The following AKAP13 variants were observed in gnomAD, a reference collection of about 807,000 sequenced individuals.
The protein encoded by AKAP13 is A-kinase anchor protein 13.
In AKAP13, 80 loss-of-function variants were observed where a neutral mutation model predicts 264.5. That is an observed-to-expected ratio of 0.30 (90% CI 0.25 to 0.36). The LOEUF is 0.36. AKAP13 is among the 10% of genes least tolerant of loss of function. AKAP13 has a pLI of 1.00. For missense variants in AKAP13, 3,712 were observed against 3,435.2 expected, an observed-to-expected ratio of 1.08 and a Z score of -2.01; for synonymous variants, 1,380 against 1,250.2, an observed-to-expected ratio of 1.10 and a Z score of -2.19.
rs753185059 is a variant in AKAP13 at position 85,730,548 on chromosome 15, T to A, written c.7123T>A (p.Leu2375Met). 1 of 1,614,112 alleles carries A rather than the reference T, an allele frequency of 6.2e-7. No individual in the cohort carries two copies. The highest frequency in any genetic ancestry group is 1.1e-5 in the South Asian group (1 of 91,072). The part of the protein sequence containing the change: ...LHQKDQKILL[L>M]LEEKEMIFRD... ...CCAGAAGGACCAAAAAATCCTACTC[T>A]TGTTGGAAGAGAAGGAGATGATTTT... is the stretch of plus-strand genomic sequence containing the variant. The change falls in exon 30 of 37, where the codon TTG becomes ATG. Residue 2375 changes from leucine to methionine, a missense_variant. This residue lies in a region of AKAP13 where 342 missense variants were observed against 484.3 expected (regional missense o/e 0.71). Coordinates refer to ENST00000394518, the MANE Select transcript of AKAP13 (RefSeq NM_007200.5).
In AKAP13 at chr15:85,748,071, G is replaced by A. The variant is rs1462434767; in HGVS notation, c.*3394G>A. 6.6e-6 allele frequency: 1 copy of A among 152,248 alleles called. No homozygotes were observed. Among genetic ancestry groups the A allele is most frequent in the Admixed American group, 6.5e-5 (1 of 15,282 alleles). 9.4% of individuals were successfully genotyped at this position (152,248 alleles called of 1,614,324 possible). A position where few individuals can be genotyped will look rare whatever the true frequency, so the allele number is the denominator to read the frequency against. On this transcript the variant is annotated 3_prime_UTR_variant, in exon 37 of 37. Transcript: ENST00000394518. Reference sequence around the variant, plus strand: ...GCCAGAACTTGATCCAGAAGTTGCTGTCCACAGAAGTGCTTTCTATTTCAT... The same window carrying A: ...GCCAGAACTTGATCCAGAAGTTGCTATCCACAGAAGTGCTTTCTATTTCAT...
At chr15:85,688,048 A>G (rs76493478) in intron 16 of AKAP13, among the ~76,000 whole-genome samples, 2,075 of 88,118 alleles carry the variant, frequency 0.024, 50 homozygotes, top group African/African-American at 0.074. Context: ...AAAAAAAAAA[A>G]AGAGAGAGAG....
At chr15:85,701,820 T>C (rs575604892) in intron 17 of AKAP13, among the ~76,000 whole-genome samples, 13 of 124 alleles carry the variant, frequency 0.1, no homozygotes, top group African/African-American at 0.22. Flanking sequence ...TACCCTAATA[T>C]GCACTAAGTT....
At chr15:85,469,476 A>G (rs1369188504) in intron 1 of AKAP13, among the ~76,000 whole-genome samples, 1 of 152,136 alleles carries the variant, frequency 6.6e-6, no homozygotes, top group Non-Finnish European at 1.5e-5. Flanking sequence ...TGTTTTAGGT[A>G]TAAAGTTTAG....
chr15:85,695,359 G>A (rs370097361), intron 17 of AKAP13, among the ~76,000 whole-genome samples: 2 of 152,092 alleles, frequency 1.3e-5, no homozygotes, highest in African/African-American at 2.4e-5. Flanking sequence ...AGCTGAGATC[G>A]TGCCATTGCA....
chr15:85,386,171 TATG>T (rs1024202198), intron 1 of AKAP13, among the ~76,000 whole-genome samples: 1 of 152,168 alleles, frequency 6.6e-6, no homozygotes, highest in African/African-American at 2.4e-5. Flanking sequence ...TCTTAATTTT[TATG>T]ATATCCAGTG....
intron 3 of AKAP13, among the ~76,000 whole-genome samples, chr15:85,528,710 G>T (rs1308741333): frequency 6.6e-6 from 1 of 152,080 alleles, no homozygotes; most frequent in African/African-American, 2.4e-5. Flanking sequence ...TTACTCAGCT[G>T]GGAGCAGACT....
chr15:85,631,500 T>TCACACACACACACA (rs1189326372), intron 8 of AKAP13, among the ~76,000 whole-genome samples: 14 of 80,196 alleles, frequency 1.7e-4, no homozygotes, highest in African/African-American at 4.3e-4. Context: ...TCTCTCTCTC[T>TCACACACACACACA]CTCACACACA....
chr15:85,392,214 G>A (rs570825753), intron 1 of AKAP13, among the ~76,000 whole-genome samples: 2 of 141,946 alleles, frequency 1.4e-5, no homozygotes, highest in Admixed American at 7.0e-5. Context: ...TTTTTACTAT[G>A]TATAGTCTAT....
At chr15:85,562,574 A>AAAAAAAATATATATATATATAT (rs1351834745) in intron 5 of AKAP13, among the ~76,000 whole-genome samples, 1 of 77,668 alleles carries the variant, frequency 1.3e-5, no homozygotes, top group African/African-American at 4.0e-5. Flanking sequence ...CAAAAAAAAA[A>AAAAAAAATATATATATATATAT]ATATATATAT....
intron 26 of AKAP13, among the ~76,000 whole-genome samples, chr15:85,723,618 T>C (rs574292753): frequency 1.7e-4 from 26 of 152,300 alleles, no homozygotes; most frequent in Non-Finnish European, 2.9e-4. Context: ...ATGCAAGCTG[T>C]CAAGGAAGGT....
Position 85,688,677 on chromosome 15 carries a change from A to G in AKAP13, c.5289+3804A>G, listed in dbSNP as rs187161096. On this transcript the variant is annotated intron_variant, in intron 16 of 36. Coordinates refer to ENST00000394518, the MANE Select transcript of AKAP13 (RefSeq NM_007200.5). Reference sequence around the variant, plus strand: ...TAGGCAGTAAACTGTTCACATTCCTAGGAGGGTAACATATTTTGTCTGGAT... The same window carrying G: ...TAGGCAGTAAACTGTTCACATTCCTGGGAGGGTAACATATTTTGTCTGGAT... 1.5e-3 allele frequency among the ~76,000 whole-genome samples: 229 copies of G among 152,308 alleles called. 1 individual carries two copies. Among genetic ancestry groups the G allele is most frequent in the Non-Finnish European group, 1.6e-3 (112 of 68,012 alleles).
chr15:85,592,008 T>G (rs2079601650), intron 8 of AKAP13, among the ~76,000 whole-genome samples: 1 of 150,778 alleles, frequency 6.6e-6, no homozygotes, highest in South Asian at 2.1e-4. Context: ...TAACATACCT[T>G]CCTCAATCAA....
intron 1 of AKAP13, among the ~76,000 whole-genome samples, chr15:85,387,591 T>TAATC (rs2070639783): frequency 6.6e-6 from 1 of 151,968 alleles, no homozygotes; most frequent in Admixed American, 6.5e-5. Context: ...TCCCAAAGTG[T>TAATC]AGGGATTACA....
chr15:85,708,339 T>C lies in AKAP13; in HGVS notation c.5532+253T>C, dbSNP rs150452824. ...CTTCTTCACGTTCAATATACATTTC[T>C]TCGTGATTTTAATATTTCCGTATTG... On this transcript the variant is annotated intron_variant, in intron 18 of 36. Transcript: ENST00000394518. This position sits in a 1 kb window ranked among gnomAD's most constrained non-coding sequence, Gnocchi z 4.3. Among the ~76,000 whole-genome samples the C allele has an allele frequency of 2.9e-3, 437 of 152,346 alleles. No homozygotes were observed. Among genetic ancestry groups the C allele is most frequent in the Middle Eastern group, 0.014 (4 of 294 alleles).
At chr15:85,587,993 A>C (rs553147766) in intron 8 of AKAP13, among the ~76,000 whole-genome samples, 6 of 151,598 alleles carry the variant, frequency 4.0e-5, no homozygotes, top group African/African-American at 1.5e-4. Context: ...ACAGTGCCCT[A>C]TGCTTTAGAT....
At chr15:85,419,049 C>T (rs2072385936) in intron 1 of AKAP13, among the ~76,000 whole-genome samples, 1 of 152,146 alleles carries the variant, frequency 6.6e-6, no homozygotes, top group African/African-American at 2.4e-5. Context: ...CCATTATTTC[C>T]AGAACCATTA....
At chr15:85,515,628 G>A (rs2151135193) in intron 2 of AKAP13, among the ~76,000 whole-genome samples, 1 of 138,448 alleles carries the variant, frequency 7.2e-6, no homozygotes, top group South Asian at 2.2e-4. Context: ...TCTGGAACAG[G>A]ACCTCAATCT....
intron 10 of AKAP13, among the ~76,000 whole-genome samples, chr15:85,652,120 T>A (rs2082884909): frequency 6.6e-6 from 1 of 152,240 alleles, no homozygotes; most frequent in African/African-American, 2.4e-5. Context: ...AGATCAGAGT[T>A]AAAAGCACAT....
Sources: gnomAD v4.1 joint callset for allele counts (sites outside exome capture counted in the v4.1 genomes callset) on GRCh38, gnomAD v4.1.1 for gene constraint, gnomAD v4.1.1 regional missense constraint, Gnocchi (gnomAD v3.1) non-coding constraint, MANE v1.5 for transcripts, NCBI Gene and HGNC (gene_info 2026-07-23, HGNC 2026-07-21) for gene names.